Variants in SMCO3 observed in about 807,000 individuals in gnomAD.
The protein encoded by SMCO3 is single-pass membrane and coiled-coil domain-containing protein 3.
Under a neutral mutation model 12.0 loss-of-function variants are expected in SMCO3, and 6 were observed. That is an observed-to-expected ratio of 0.50 (90% CI 0.27 to 0.99). SMCO3 has a LOEUF of 0.99. SMCO3 is among the 50% of genes least tolerant of loss of function. The pLI, the probability that SMCO3 is intolerant of heterozygous loss-of-function variation, is 0.11. For synonymous variants in SMCO3, 96 were observed against 96.4 expected (o/e 1.00, Z 0.02); for missense variants, 279 against 265.0 (o/e 1.05, Z -0.37).
At chr12:14,811,480 A>C (rs1449697333) in intron 1 of SMCO3, among the ~76,000 whole-genome samples, 1 of 152,244 alleles carries the variant, frequency 6.6e-6, no homozygotes, top group Non-Finnish European at 1.5e-5. Context: ...AAAAATGACA[A>C]AAAACATCTG....
intron 1 of SMCO3, among the ~76,000 whole-genome samples, chr12:14,808,852 C>A (rs1950094680): frequency 6.6e-6 from 1 of 152,182 alleles, no homozygotes; most frequent in South Asian, 2.1e-4. Flanking sequence ...TAGAAAATTT[C>A]CTAATCCAAT....
chr12:14,809,206 A>G (rs1182217230), intron 1 of SMCO3, among the ~76,000 whole-genome samples: 1 of 152,208 alleles, frequency 6.6e-6, no homozygotes, highest in Non-Finnish European at 1.5e-5. Context: ...GGTTCTGTCT[A>G]CCTCAAGATA....
Position 14,809,884 on chromosome 12 carries a change from T to G in SMCO3, c.-16-3188A>C, listed in dbSNP as rs958919793. On this transcript the variant is annotated intron_variant, in intron 1 of 1. Coordinates refer to ENST00000316048, the MANE Select transcript of SMCO3 (RefSeq NM_001013698.2). ...CCTGAACAGAGTACAAAAAATAGTA[T>G]CTAATAAAATGGTGGGAAAAGTTCA... Among the ~76,000 whole-genome samples, 6 of 152,162 alleles carry G rather than the reference T, an allele frequency of 3.9e-5. No individual in the cohort carries two copies. In the South Asian group the frequency reaches 1.2e-3, roughly 32 times the overall value.
At chr12:14,806,959 G>A (rs1398234631) in intron 1 of SMCO3, among the ~76,000 whole-genome samples, 1 of 152,154 alleles carries the variant, frequency 6.6e-6, no homozygotes, top group Non-Finnish European at 1.5e-5. Flanking sequence ...AGCCTCCCGA[G>A]TAGCTGGGAT....
chr12:14,813,742 A>G (rs1950176655), intron 1 of SMCO3, among the ~76,000 whole-genome samples: 1 of 152,208 alleles, frequency 6.6e-6, no homozygotes, highest in Non-Finnish European at 1.5e-5. Flanking sequence ...TCTTTCATAG[A>G]TAGGTACTGA....
chr12:14,805,613 G>A lies in SMCO3; in HGVS notation c.*390C>T, dbSNP rs1328698064. The A allele has an allele frequency of 6.0e-6, 1 of 166,758 alleles. No individual in the cohort carries two copies. Among genetic ancestry groups the A allele is most frequent in the Non-Finnish European group, 1.3e-5 (1 of 77,572 alleles). 10.3% of individuals were successfully genotyped at this position (166,758 alleles called of 1,614,324 possible). ...TGAGTATGTCCCCTTATAACTAAATGATGTTTGAAGCTGGTGGTAGAAATG... is the reference window on the plus strand; with the variant it reads ...TGAGTATGTCCCCTTATAACTAAATAATGTTTGAAGCTGGTGGTAGAAATG... On this transcript the variant is annotated 3_prime_UTR_variant, in exon 2 of 2. Transcript: ENST00000316048.
Position 14,805,952 on chromosome 12 carries a change from G to C in SMCO3, c.*51C>G, listed in dbSNP as rs57839882. ...GAACCTAATCAAAGAAGCAAACACT[G>C]TTACTGAAAAGGAAGCAGAAAAACA... On this transcript the variant is annotated 3_prime_UTR_variant, in exon 2 of 2. Coordinates refer to ENST00000316048, the MANE Select transcript of SMCO3 (RefSeq NM_001013698.2). 2,359 of 1,510,186 alleles carry C rather than the reference G, an allele frequency of 1.6e-3. 40 individuals are homozygous for C. In the African/African-American group the frequency reaches 0.03, roughly 19 times the overall value. 93.5% of individuals were successfully genotyped at this position (1,510,186 alleles called of 1,614,324 possible).
Position 14,806,734 on chromosome 12 carries a change from A to G in SMCO3, c.-16-38T>C, listed in dbSNP as rs980830564. The stretch of plus-strand genomic sequence containing the variant: ...ATGGTAAATTTTTACTGAAAGTCTT[A>G]AAAAATGTCTGCTAACTGTGTAGAA... On this transcript the variant is annotated intron_variant, in intron 1 of 1. Coordinates refer to ENST00000316048, the MANE Select transcript of SMCO3 (RefSeq NM_001013698.2). The G allele has an allele frequency of 4.6e-6, 7 of 1,514,818 alleles. No individual in the cohort carries two copies. In the Admixed American group the frequency reaches 1.3e-4, roughly 28 times the overall value. 93.8% of individuals were successfully genotyped at this position (1,514,818 alleles called of 1,614,324 possible).
chr12:14,805,990 A>C lies in SMCO3; in HGVS notation c.*13T>G, dbSNP rs376267349. ...AAGCAGAAAAACACTTCAGTGGCAAATAAAACGGCTGTTCATTTCATTTGG... is the reference window on the plus strand; with the variant it reads ...AAGCAGAAAAACACTTCAGTGGCAACTAAAACGGCTGTTCATTTCATTTGG... On this transcript the variant is annotated 3_prime_UTR_variant, in exon 2 of 2. Transcript: ENST00000316048. 26 of 1,583,922 alleles carry C rather than the reference A, an allele frequency of 1.6e-5. No individual in the cohort carries two copies. In the Admixed American group the frequency reaches 2.2e-4, roughly 13 times the overall value.
At chr12:14,807,952 G>A (rs1481783307) in intron 1 of SMCO3, among the ~76,000 whole-genome samples, 7 of 152,090 alleles carry the variant, frequency 4.6e-5, no homozygotes, top group Non-Finnish European at 8.8e-5. Flanking sequence ...AATAACTTGA[G>A]GCCAGGAGTT....
intron 1 of SMCO3, among the ~76,000 whole-genome samples, chr12:14,808,500 T>G (rs1033472717): frequency 1.3e-5 from 2 of 152,210 alleles, no homozygotes; most frequent in African/African-American, 2.4e-5. Context: ...CCGTATGTCT[T>G]CTAGCACTAC....
At chr12:14,811,772 CT>C (rs537518427) in intron 1 of SMCO3, among the ~76,000 whole-genome samples, 28 of 152,308 alleles carry the variant, frequency 1.8e-4, no homozygotes, top group African/African-American at 6.7e-4. Flanking sequence ...AAATACAACT[CT>C]TCAGGGTACT....
At position 14,805,988 on chromosome 12, in the gene SMCO3, A is replaced by G; in HGVS notation, c.*15T>C. Reference sequence around the variant, plus strand: ...GGAAGCAGAAAAACACTTCAGTGGCAAATAAAACGGCTGTTCATTTCATTT... The same window carrying G: ...GGAAGCAGAAAAACACTTCAGTGGCGAATAAAACGGCTGTTCATTTCATTT... On this transcript the variant is annotated 3_prime_UTR_variant, in exon 2 of 2. Transcript: ENST00000316048. 6.3e-7 allele frequency: 1 copy of G among 1,582,852 alleles called. No homozygotes were observed. Among genetic ancestry groups the G allele is most frequent in the Non-Finnish European group, 8.6e-7 (1 of 1,164,246 alleles).
In SMCO3 at chr12:14,806,710, T is replaced by C. The variant is rs1950058045; in HGVS notation, c.-16-14A>G. 1 of 1,544,792 alleles carries C rather than the reference T, an allele frequency of 6.5e-7. No individual in the cohort carries two copies. The highest frequency in any genetic ancestry group is 1.3e-5 in the South Asian group (1 of 79,320). On this transcript the variant is annotated splice_polypyrimidine_tract_variant and intron_variant, in intron 1 of 1. Coordinates refer to ENST00000316048, the MANE Select transcript of SMCO3 (RefSeq NM_001013698.2). Reference sequence around the variant, plus strand: ...CCAATATGATCGCTGAAAAATAAAATGGTAAATTTTTACTGAAAGTCTTAA... The same window carrying C: ...CCAATATGATCGCTGAAAAATAAAACGGTAAATTTTTACTGAAAGTCTTAA...
chr12:14,805,944 C>G lies in SMCO3; in HGVS notation c.*59G>C. 2 of 1,485,770 alleles carry G rather than the reference C, an allele frequency of 1.3e-6. No individual in the cohort carries two copies. The highest frequency in any genetic ancestry group is 1.8e-4 in the Middle Eastern group (1 of 5,560). The allele number at this position is 1,485,770 out of a possible 1,614,324, so 92.0% of individuals were successfully genotyped here. A position where few individuals can be genotyped will look rare whatever the true frequency, so the allele number is the denominator to read the frequency against. On this transcript the variant is annotated 3_prime_UTR_variant, in exon 2 of 2. Transcript: ENST00000316048. ...TAGAAAATGAACCTAATCAAAGAAG[C>G]AAACACTGTTACTGAAAAGGAAGCA...
At chr12:14,811,018 T>C (rs1950127673) in intron 1 of SMCO3, among the ~76,000 whole-genome samples, 1 of 152,218 alleles carries the variant, frequency 6.6e-6, no homozygotes, top group South Asian at 2.1e-4. Flanking sequence ...TCCATTTTCA[T>C]TGATGACCTG....
rs776182743 is a variant in SMCO3, at chr12:14,806,612, C to T, written c.69G>A (p.Gln23=). The T allele has an allele frequency of 1.2e-6, 2 of 1,613,792 alleles. No individual in the cohort carries two copies. Among genetic ancestry groups the T allele is most frequent in the South Asian group, 2.2e-5 (2 of 90,944 alleles). The part of the protein sequence containing the change: ...KRREEVNRLH[Q]QLLDCLSDSF... ...TGTCAGATAAGCAATCAAGAAGCTG[C>T]TGGTGAAGACGATTTACTTCTTCCC... The change falls in exon 2 of 2, where the codon CAG becomes CAA. Residue 23 remains glutamine, a synonymous_variant. Coordinates refer to ENST00000316048, the MANE Select transcript of SMCO3 (RefSeq NM_001013698.2).
At chr12:14,813,010 CAG>C (rs1189752053) in intron 1 of SMCO3, among the ~76,000 whole-genome samples, 1 of 152,086 alleles carries the variant, frequency 6.6e-6, no homozygotes, top group Non-Finnish European at 1.5e-5. Context: ...GAAATGGTCT[CAG>C]AGATTTGTTC....
intron 1 of SMCO3, among the ~76,000 whole-genome samples, chr12:14,809,291 A>G (rs1004539991): frequency 2.6e-5 from 4 of 152,178 alleles, no homozygotes; most frequent in African/African-American, 9.7e-5. Flanking sequence ...TTTTCAATTA[A>G]CTCATTGTTT....
Sources: allele counts gnomAD v4.1 joint callset (sites outside exome capture counted in the v4.1 genomes callset), GRCh38; gene constraint gnomAD v4.1.1; transcripts MANE v1.5; gene names NCBI Gene and HGNC (gene_info 2026-07-23, HGNC 2026-07-21).